ACIN1: variants seen among roughly 807,000 people sequenced by gnomAD.
ACIN1 encodes the protein apoptotic chromatin condensation inducer 1, also known as apoptotic chromatin condensation inducer in the nucleus.
ACIN1 carries 16 observed loss-of-function variants against 146.6 expected under a neutral mutation model. That is an observed-to-expected ratio of 0.11 (90% CI 0.07 to 0.17). The LOEUF is 0.17. Among genes scored for constraint, ACIN1 ranks in the 10% least tolerant of loss-of-function variants. ACIN1 has a pLI of 1.00. For missense variants in ACIN1, 1,357 were observed against 1,609.3 expected (o/e 0.84, Z 2.68); for synonymous variants, 569 against 582.7 (o/e 0.98, Z 0.34).
At chr14:23,071,381 G>A in intron 8 of ACIN1, 6 of 1,548,912 alleles carry the variant, frequency 3.9e-6, no homozygotes, top group Middle Eastern at 1.7e-4. Context: ...GGTGCGGGGA[G>A]GCTAAAACAG....
At chr14:23,063,403 C>T (rs771761771) in intron 13 of ACIN1, 33 bp downstream of exon 13, 55 of 1,599,892 alleles carry the variant, frequency 3.4e-5, no homozygotes, top group East Asian at 4.5e-5. Context: ...TTCAGGGAGC[C>T]GCATTACATT....
At chr14:23,079,081 T>C (rs766819927) in intron 6 of ACIN1, 43 bp from the exon 7 acceptor site, 1 of 1,565,814 alleles carries the variant, frequency 6.4e-7, no homozygotes, top group Non-Finnish European at 8.7e-7. Flanking sequence ...TTATTGTATA[T>C]GGTATATATT....
chr14:23,068,927 A>G lies in ACIN1; in HGVS notation c.2265+549T>C, dbSNP rs2047540994. 3.0e-6 allele frequency: 3 copies of G among 985,386 alleles called. No homozygotes were observed. The South Asian group carries it at 1.4e-4, about 46-fold the overall frequency. The allele number at this position is 985,386 out of a possible 1,614,324, so 61.0% of individuals were successfully genotyped here. A position where few individuals can be genotyped will look rare whatever the true frequency, so the allele number is the denominator to read the frequency against. ...GCAGGACACAAGATAACATATGCCAAAAAAGGAGGTAGAGGGGTCACAGGT... is the reference window on the plus strand; with the variant it reads ...GCAGGACACAAGATAACATATGCCAGAAAAGGAGGTAGAGGGGTCACAGGT... On this transcript the variant is annotated intron_variant, in intron 9 of 18. Coordinates refer to ENST00000605057, the MANE Select transcript of ACIN1 (RefSeq NM_001386863.1). This position sits in a 1 kb window ranked among gnomAD's most constrained non-coding sequence, Gnocchi z 4.3.
At chr14:23,070,565 T>C (rs974949854) in intron 8 of ACIN1, among the ~76,000 whole-genome samples, 2 of 152,076 alleles carry the variant, frequency 1.3e-5, no homozygotes, top group Non-Finnish European at 2.9e-5. Context: ...AGAGATTCAC[T>C]TCAGATAAAC....
At chr14:23,091,560 A>C in intron 2 of ACIN1, among the ~76,000 whole-genome samples, 1 of 135,268 alleles carries the variant, frequency 7.4e-6, no homozygotes, top group Non-Finnish European at 1.6e-5. Flanking sequence ...GCAAGACTCC[A>C]TCTCAAGAAA....
At chr14:23,094,874 C>G in intron 1 of ACIN1, 101 bp downstream of exon 1, 2 of 1,458,190 alleles carry the variant, frequency 1.4e-6, no homozygotes, top group Non-Finnish European at 1.8e-6. Flanking sequence ...GCGGCCTGAG[C>G]GAGCTCGCGC....
intron 8 of ACIN1, among the ~76,000 whole-genome samples, chr14:23,075,554 A>G (rs2047777515): frequency 6.6e-6 from 1 of 152,020 alleles, no homozygotes; most frequent in African/African-American, 2.4e-5. Flanking sequence ...AACCAAACAC[A>G]GCAAAAAGTC....
Position 23,078,153 on chromosome 14 carries a change from A to C in ACIN1, c.2121T>G (p.Thr707=). The change falls in exon 8 of 19, where the codon ACT becomes ACG. Residue 707 remains threonine (T), a splice_region_variant and synonymous_variant. Transcript: ENST00000605057. ...CCCGGTCGAGATATATCACTTACAC[A>C]GTGTGATGAATTCTTTCTGATTCTG... ...HLPESERIHH[T]VEEKEEVTMD... is the part of the protein sequence containing the mutation. 2 of 1,613,958 alleles carry C rather than the reference A, an allele frequency of 1.2e-6. No homozygotes were observed. Among genetic ancestry groups the C allele is most frequent in the Non-Finnish European group, 1.7e-6 (2 of 1,179,838 alleles).
At position 23,062,238 on chromosome 14, in the gene ACIN1, G is replaced by A. The variant is rs2047313778; in HGVS notation, c.3029C>T (p.Ala1010Val). The stretch of plus-strand genomic sequence containing the variant: ...CTGGGGCCATTTGACCCCGTGCAGA[G>A]CTGTGCGGGTGGCAACAGCTTCCTC... ...TVEEAVATRT[A>V]LHGVKWPQSN... Residue 1010 changes from alanine to valine, a missense_variant, in exon 16 of 19, where the codon GCT (alanine) becomes GTT (valine). Ala to Val is a moderately conservative substitution (Grantham distance 64, BLOSUM62 0). Around this residue, in one of 4 missense-constraint regions of ACIN1, gnomAD observed 509 missense variants for 719.6 expected, o/e 0.71. Coordinates refer to ENST00000605057, the MANE Select transcript of ACIN1 (RefSeq NM_001386863.1). 2 of 1,614,002 alleles carry A rather than the reference G, an allele frequency of 1.2e-6. No individual in the cohort carries two copies. Among genetic ancestry groups the A allele is most frequent in the African/African-American group, 1.3e-5 (1 of 74,892 alleles).
rs114147906 is a variant in ACIN1 at position 23,080,888 on chromosome 14, C to A, written c.526-79G>T. 1.2e-3 allele frequency: 1,801 copies of A among 1,512,920 alleles called. 17 individuals carry two copies. In the African/African-American group the frequency reaches 0.021, roughly 18 times the overall value. 93.7% of individuals were successfully genotyped at this position (1,512,920 alleles called of 1,614,324 possible). A position where few individuals can be genotyped will look rare whatever the true frequency, so the allele number is the denominator to read the frequency against. ...GGAGAGAAAGTATCTAATGAAGACA[C>A]CCCTAGGAAGGAGAAATTCAATGAT... is the stretch of plus-strand genomic sequence containing the variant. On this transcript the variant is annotated intron_variant, in intron 5 of 18. Transcript: ENST00000605057.
intron 8 of ACIN1, among the ~76,000 whole-genome samples, chr14:23,074,656 C>CATGT (rs2093167317): frequency 6.6e-6 from 1 of 152,144 alleles, no homozygotes; most frequent in African/African-American, 2.4e-5. Flanking sequence ...CCTTGTTAAC[C>CATGT]ATGTGTCAGA....
In ACIN1 at chr14:23,094,950, C is replaced by T. The variant is rs1293037694; in HGVS notation, c.138+25G>A. 4.5e-6 allele frequency: 7 copies of T among 1,565,252 alleles called. No individual in the cohort carries two copies. In the South Asian group the frequency reaches 8.1e-5, roughly 18 times the overall value. On this transcript the variant is annotated intron_variant, in intron 1 of 18. Transcript: ENST00000605057. ...CTCTACCGGGTCCGCTCTCCTCCGA[C>T]ACCCCAGCAACGCCGACTCCTCACC... is the stretch of plus-strand genomic sequence containing the variant.
In ACIN1 at chr14:23,068,579, T is replaced by C. The variant is rs2047528825; in HGVS notation, c.2265+897A>G. ...ACTTGGCTCTGATTGGGCAGCTCAG[T>C]AGCAGCGGGTGGGTCCAGAGGAAGA... On this transcript the variant is annotated intron_variant, in intron 9 of 18. Transcript: ENST00000605057. This position sits in a 1 kb window ranked among gnomAD's most constrained non-coding sequence, Gnocchi z 4.3. 6.1e-6 allele frequency: 6 copies of C among 985,862 alleles called. No homozygotes were observed. Among genetic ancestry groups the C allele is most frequent in the Non-Finnish European group, 7.2e-6 (6 of 829,956 alleles). 61.1% of individuals were successfully genotyped at this position (985,862 alleles called of 1,614,324 possible).
intron 4 of ACIN1, among the ~76,000 whole-genome samples, chr14:23,085,021 G>GC (rs2048051679): frequency 6.6e-6 from 1 of 152,100 alleles, no homozygotes; most frequent in African/African-American, 2.4e-5. Context: ...AAAAAAAAAG[G>GC]CAAGTGCAAG....
At chr14:23,069,025 AG>A (rs1305626800) in intron 9 of ACIN1, 5 of 986,458 alleles carry the variant, frequency 5.1e-6, no homozygotes, top group Non-Finnish European at 6.0e-6. Flanking sequence ...AGACCACTGG[AG>A]GGCAGAGGAG....
chr14:23,091,700 T>C (rs956663530), intron 2 of ACIN1, among the ~76,000 whole-genome samples: 2 of 151,708 alleles, frequency 1.3e-5, no homozygotes, highest in Non-Finnish European at 2.9e-5. Context: ...CTTGGCTTGC[T>C]GCAACCTCCG....
Position 23,063,726 on chromosome 14 carries a change from C to G in ACIN1, c.2596-149G>C. 3 of 977,694 alleles carry G rather than the reference C, an allele frequency of 3.1e-6. No homozygotes were observed. The South Asian group carries it at 5.1e-5, about 17-fold the overall frequency. The allele number at this position is 977,694 out of a possible 1,614,324, so 60.6% of individuals were successfully genotyped here. A position where few individuals can be genotyped will look rare whatever the true frequency, so the allele number is the denominator to read the frequency against. The stretch of plus-strand genomic sequence containing the variant: ...CGTTATCGGCTCACTTCTACCAGAT[C>G]CTGGGATTGTTAGTGCCTCAACTTT... On this transcript the variant is annotated intron_variant, in intron 12 of 18. Transcript: ENST00000605057.
intron 4 of ACIN1, among the ~76,000 whole-genome samples, chr14:23,089,643 C>T (rs2048177384): frequency 6.6e-6 from 1 of 152,160 alleles, no homozygotes. Context: ...TACCCAACTC[C>T]AGAGGGTGAC....
intron 8 of ACIN1, 31 bp from the exon 9 acceptor site, chr14:23,069,648 G>GGGGCCCCCC: frequency 1.7e-6 from 1 of 589,380 alleles, no homozygotes; most frequent in Non-Finnish European, 3.2e-6. Flanking sequence ...TGGTGGGGGG[G>GGGGCCCCCC]CGGGCAGAAA....
Sources: allele counts gnomAD v4.1 joint callset (sites outside exome capture counted in the v4.1 genomes callset), GRCh38; gene constraint gnomAD v4.1.1; regional missense constraint gnomAD v4.1.1; non-coding constraint Gnocchi (gnomAD v3.1); transcripts MANE v1.5; gene names NCBI Gene and HGNC (gene_info 2026-07-23, HGNC 2026-07-21).